KIF7: variants seen among roughly 807,000 people sequenced by gnomAD.
The protein encoded by KIF7 is kinesin family member 7.
KIF7 carries 104 observed loss-of-function variants against 135.7 expected under a neutral mutation model. The observed-to-expected ratio is 0.77, with a 90% CI of 0.65 to 0.90. The LOEUF (loss-of-function observed/expected upper bound fraction) is 0.90, where lower values mean the gene tolerates loss of function less well. Ranked by LOEUF, KIF7 falls within the 40% of genes least tolerant of loss-of-function variation. The pLI is 0.00. For synonymous variants in KIF7, 883 were observed against 809.4 expected (o/e 1.09, Z -1.54); for missense variants, 2,005 against 1,839.1 (o/e 1.09, Z -1.65).
chr15:89,623,995 C>T, downstream of KIF7: 3 of 1,614,054 alleles, frequency 1.9e-6, no homozygotes, highest in Non-Finnish European at 2.5e-6. Context: ...TCCAGCCCCT[C>T]CAACTTCATC....
intron 11 of KIF7, among the ~76,000 whole-genome samples, chr15:89,639,112 C>T (rs1338691776): frequency 6.6e-6 from 1 of 151,934 alleles, no homozygotes; most frequent in African/African-American, 2.4e-5. Context: ...AACTGGATCC[C>T]TTCCTTACAC....
chr15:89,628,389 TC>T lies in KIF7; in HGVS notation c.*29del. 6.3e-7 allele frequency: 1 copy of T among 1,578,810 alleles called. No homozygotes were observed. The highest frequency in any genetic ancestry group is 1.2e-5 in the South Asian group (1 of 86,038). ...TGCCCCTTTCAGCAGGCTCGGAGTC[TC>T]CCTCCAAGGCAGGGTCTGCCCCGAG... On this transcript the variant is annotated 3_prime_UTR_variant, in exon 19 of 19. Transcript: ENST00000394412.
At chr15:89,625,924 G>T (rs761612851), downstream of KIF7, 19 of 1,556,454 alleles carry the variant, frequency 1.2e-5, no homozygotes, top group South Asian at 3.8e-5. Flanking sequence ...TTACTATGTG[G>T]GATCTCTTTA....
upstream of KIF7, among the ~76,000 whole-genome samples, chr15:89,658,624 A>T (rs1445481365): frequency 6.6e-6 from 1 of 152,116 alleles, no homozygotes; most frequent in African/African-American, 2.4e-5. Context: ...GCACTTTGGG[A>T]GGCTGAGGCA....
intron 11 of KIF7, 136 bp from the exon 12 acceptor site, chr15:89,634,019 C>A (rs1439252611): frequency 2.2e-6 from 2 of 923,236 alleles, no homozygotes; most frequent in Non-Finnish European, 3.4e-6. Context: ...ATAACAGAGG[C>A]CGGGTGCGGT....
rs748595084 is a variant in KIF7, at chr15:89,630,486, C to T, written c.3119G>A (p.Arg1040Gln). 6.5e-6 allele frequency: 10 copies of T among 1,529,576 alleles called. No individual in the cohort carries two copies. Among genetic ancestry groups the T allele is most frequent in the East Asian group, 2.4e-5 (1 of 40,964 alleles). The allele number at this position is 1,529,576 out of a possible 1,614,324, so 94.8% of individuals were successfully genotyped here. A position where few individuals can be genotyped will look rare whatever the true frequency, so the allele number is the denominator to read the frequency against. Residue 1040 changes from arginine to glutamine, a missense_variant, in exon 16 of 19, where the codon CGG becomes CAG. Physicochemically the swap from Arg to Gln is conservative, Grantham distance 43. Transcript: ENST00000394412. ...QGSLLSPEEE[R>Q]TLFQLDEAIE... ...GGCCTCATCCAACTGGAACAGCGTC[C>T]GCTCCTCCTGCAGAGACGGGCACGC...
At chr15:89,640,071 TC>T (rs1189420192) in intron 11 of KIF7, among the ~76,000 whole-genome samples, 1 of 149,616 alleles carries the variant, frequency 6.7e-6, no homozygotes, top group African/African-American at 2.5e-5. Context: ...ATATTCTCAC[TC>T]ACAGGTGGGG....
the KIF7 span, among the ~76,000 whole-genome samples, chr15:89,660,492 T>C: frequency 6.6e-6 from 1 of 152,204 alleles, no homozygotes; most frequent in African/African-American, 2.4e-5. Flanking sequence ...GGCTAGAATA[T>C]GGAGTTGATC....
intron 10 of KIF7, among the ~76,000 whole-genome samples, chr15:89,643,356 AG>A (rs1322855806): frequency 6.6e-6 from 1 of 152,228 alleles, no homozygotes; most frequent in South Asian, 2.1e-4. Context: ...GATGATTTAA[AG>A]TGATTTAAAG....
At chr15:89,649,448 C>A in intron 3 of KIF7, 81 bp from the exon 4 acceptor site, 1 of 1,397,762 alleles carries the variant, frequency 7.2e-7, no homozygotes, top group South Asian at 1.5e-5. Context: ...GCAGAACTAG[C>A]CCCAAACCTG....
chr15:89,619,127 A>G (rs1026564115), intron 1 of KIF7, among the ~76,000 whole-genome samples: 2 of 152,156 alleles, frequency 1.3e-5, no homozygotes, highest in African/African-American at 2.4e-5. Context: ...ACATTTTAGC[A>G]TATACTCTTA....
chr15:89,630,613 G>T, intron 15 of KIF7, 120 bp from the exon 16 acceptor site: 8 of 848,920 alleles, frequency 9.4e-6, no homozygotes, highest in Non-Finnish European at 1.5e-5. Context: ...CTCGTCCCAA[G>T]GGCCAAGTCA....
At chr15:89,645,194 G>GC in intron 9 of KIF7, 29 bp from the exon 10 acceptor site, 4 of 1,605,432 alleles carry the variant, frequency 2.5e-6, no homozygotes, top group Non-Finnish European at 2.5e-6. Flanking sequence ...CAAGGTTGCT[G>GC]CCCCAACTGA....
intron 1 of KIF7, among the ~76,000 whole-genome samples, chr15:89,620,013 A>C (rs900714360): frequency 6.6e-6 from 1 of 152,178 alleles, no homozygotes; most frequent in Non-Finnish European, 1.5e-5. Context: ...ATGACTTTGT[A>C]ATCAGTCATC....
chr15:89,624,151 G>C (rs149503501), downstream of KIF7: 6,568 of 1,613,852 alleles, frequency 4.1e-3, 297 homozygotes, highest in Admixed American at 0.081. Context: ...AGAGGAACCA[G>C]CCCAGAAACT....
intron 10 of KIF7, among the ~76,000 whole-genome samples, chr15:89,643,287 C>T (rs1356478540): frequency 6.6e-6 from 1 of 152,182 alleles, no homozygotes; most frequent in African/African-American, 2.4e-5. Flanking sequence ...CTAAACAATA[C>T]AGTAAAACAA....
At chr15:89,634,454 A>G (rs1366363921) in intron 11 of KIF7, among the ~76,000 whole-genome samples, 1 of 152,186 alleles carries the variant, frequency 6.6e-6, no homozygotes, top group East Asian at 1.9e-4. Flanking sequence ...CAGTGGGCGC[A>G]GGTCAGTGGG....
At chr15:89,654,842 T>C (rs915561281) in intron 1 of KIF7, among the ~76,000 whole-genome samples, 1 of 152,256 alleles carries the variant, frequency 6.6e-6, no homozygotes, top group African/African-American at 2.4e-5. Context: ...CTTTCGTTAA[T>C]TCAATCACCC....
intron 1 of KIF7, among the ~76,000 whole-genome samples, chr15:89,619,114 C>CT (rs1408826088): frequency 2.0e-5 from 3 of 152,048 alleles, no homozygotes; most frequent in Non-Finnish European, 2.9e-5. Context: ...CAGAAATACT[C>CT]TAACATTTTA....
Sources: gnomAD v4.1 joint callset for allele counts (sites outside exome capture counted in the v4.1 genomes callset) on GRCh38, gnomAD v4.1.1 for gene constraint, MANE v1.5 for transcripts, NCBI Gene and HGNC (gene_info 2026-07-23, HGNC 2026-07-21) for gene names.